PTP4A3: variants seen among roughly 807,000 people sequenced by gnomAD.
PTP4A3 encodes protein tyrosine phosphatase type IVA 3.
A neutral mutation model predicts 15.2 loss-of-function variants in PTP4A3; 9 were observed. The observed-to-expected ratio is 0.59, with a 90% CI of 0.36 to 1.03. PTP4A3 has a LOEUF of 1.03. Among genes scored for constraint, PTP4A3 ranks in the 50% least tolerant of loss-of-function variants. The pLI is 0.02. For missense variants in PTP4A3, 234 were observed against 252.1 expected (o/e 0.93, Z 0.49); for synonymous variants, 95 against 102.0 (o/e 0.93, Z 0.41).
At chr8:141,404,637 T>C (rs1341547970) in intron 1 of PTP4A3, among the ~76,000 whole-genome samples, 3 of 152,196 alleles carry the variant, frequency 2.0e-5, no homozygotes, top group Admixed American at 6.5e-5. Flanking sequence ...ATGGACAGAA[T>C]GGACGGGTCC....
chr8:141,412,198 G>A (rs1446144392), intron 1 of PTP4A3, among the ~76,000 whole-genome samples: 2 of 152,214 alleles, frequency 1.3e-5, no homozygotes, highest in Admixed American at 6.5e-5. Context: ...AGGTGTACAT[G>A]CCTGCTGCCC....
At chr8:141,411,037 G>A (rs1832855206) in intron 1 of PTP4A3, among the ~76,000 whole-genome samples, 1 of 152,208 alleles carries the variant, frequency 6.6e-6, no homozygotes, top group Non-Finnish European at 1.5e-5. Flanking sequence ...CACTGGCGTT[G>A]TGGGCTGGCA....
At chr8:141,412,132 G>A (rs1349714574) in intron 1 of PTP4A3, among the ~76,000 whole-genome samples, 1 of 152,220 alleles carries the variant, frequency 6.6e-6, no homozygotes, top group Non-Finnish European at 1.5e-5. Context: ...GGTATATGGG[G>A]GTGCTGCGCT....
rs577087106 is a variant in PTP4A3, at chr8:141,428,787, C to A, written c.404+963C>A. ...ACAAGCACATGTGTGCCCACACAGA[C>A]CCAGGCATACGCAGGCACACACTCA... On this transcript the variant is annotated intron_variant, in intron 5 of 5. Coordinates refer to ENST00000521578, the MANE Select transcript of PTP4A3 (RefSeq NM_032611.3). Among the ~76,000 whole-genome samples, 25 of 148,360 alleles carry A rather than the reference C, an allele frequency of 1.7e-4. 1 individual carries two copies. The South Asian group carries it at 5.1e-3, about 30-fold the overall frequency.
In PTP4A3 at chr8:141,429,605, C is replaced by T. The variant is rs557274402; in HGVS notation, c.405-1322C>T. ...GACCCGGTGGCGGGGACAGGGTAAG[C>T]GCACAGCCCACGTCCCCGCTGTAAG... On this transcript the variant is annotated intron_variant, in intron 5 of 5. Transcript: ENST00000521578. 9.2e-5 allele frequency among the ~76,000 whole-genome samples: 14 copies of T among 151,382 alleles called. No homozygotes were observed. In the East Asian group the frequency reaches 2.8e-3, roughly 30 times the overall value.
chr8:141,418,283 G>A (rs1316110121), intron 1 of PTP4A3, among the ~76,000 whole-genome samples: 1 of 152,232 alleles, frequency 6.6e-6, no homozygotes, highest in East Asian at 1.9e-4. Flanking sequence ...AAATCACAGG[G>A]GGCGCCCTGT....
chr8:141,399,759 G>A (rs1038496408), intron 1 of PTP4A3, among the ~76,000 whole-genome samples: 3 of 152,230 alleles, frequency 2.0e-5, no homozygotes, highest in Admixed American at 1.3e-4. Context: ...TGACCTGGGG[G>A]AGGGCTGTCC....
In PTP4A3 at chr8:141,425,611, C is replaced by A. The variant is rs2130260196; in HGVS notation, c.198+471C>A. 6.8e-6 allele frequency among the ~76,000 whole-genome samples: 1 copy of A among 147,702 alleles called. No homozygotes were observed. Among genetic ancestry groups the A allele is most frequent in the East Asian group, 2.0e-4 (1 of 4,968 alleles). On this transcript the variant is annotated intron_variant, in intron 3 of 5. Coordinates refer to ENST00000521578, the MANE Select transcript of PTP4A3 (RefSeq NM_032611.3). This position sits in a 1 kb window ranked among gnomAD's most constrained non-coding sequence, Gnocchi z 4.2. The stretch of plus-strand genomic sequence containing the variant: ...CTGGGCGGGGGGTGGGGCGGTTCTG[C>A]TGCGATATCCTTGGGGGGGTGGGCC...
At position 141,392,094 on chromosome 8, in the gene PTP4A3, C is replaced by T. The variant is rs1832294794; in HGVS notation, c.-854+10C>T. 6.8e-6 allele frequency: 1 copy of T among 146,828 alleles called. No homozygotes were observed. The highest frequency in any genetic ancestry group is 2.4e-5 in the African/African-American group (1 of 40,898). 9.1% of individuals were successfully genotyped at this position (146,828 alleles called of 1,614,324 possible). On this transcript the variant is annotated intron_variant, in intron 1 of 5. Transcript: ENST00000521578. ...CCGCCCGGACCGCCAGGTCAGTCTC[C>T]TCCGCGCCCGCTCGGGGCGGGGGCG...
chr8:141,418,359 C>T (rs1463437416), intron 1 of PTP4A3, among the ~76,000 whole-genome samples: 3 of 152,212 alleles, frequency 2.0e-5, no homozygotes, highest in Admixed American at 1.3e-4. Flanking sequence ...GCGGTAGCCT[C>T]CCTGAACCTC....
intron 1 of PTP4A3, among the ~76,000 whole-genome samples, chr8:141,414,161 T>C (rs1178763873): frequency 1.3e-5 from 2 of 152,204 alleles, no homozygotes; most frequent in Non-Finnish European, 2.9e-5. Context: ...GTTTCCACAC[T>C]GGCTTCTCAG....
At chr8:141,410,874 A>T (rs1246208148) in intron 1 of PTP4A3, among the ~76,000 whole-genome samples, 1 of 151,990 alleles carries the variant, frequency 6.6e-6, no homozygotes, top group Non-Finnish European at 1.5e-5. Context: ...CCTCCCCTGG[A>T]CCCCAGAGAA....
intron 1 of PTP4A3, among the ~76,000 whole-genome samples, chr8:141,420,695 G>C (rs968210925): frequency 6.6e-6 from 1 of 152,224 alleles, no homozygotes. Context: ...GTTTATCCCC[G>C]AGCCTGGCTG....
intron 3 of PTP4A3, chr8:141,426,334 T>G: frequency 1.4e-6 from 1 of 694,690 alleles, no homozygotes; most frequent in Non-Finnish European, 1.8e-6. Flanking sequence ...GACGGGACAG[T>G]GGGAAGCACA....
intron 3 of PTP4A3, 60 bp from the exon 4 acceptor site, chr8:141,426,879 C>T (rs1833598225): frequency 1.3e-6 from 2 of 1,572,232 alleles, no homozygotes; most frequent in Admixed American, 3.5e-5. Flanking sequence ...CGCCTGAGCC[C>T]CAGAGCCGCC....
At chr8:141,401,621 C>T (rs2129839390) in intron 1 of PTP4A3, among the ~76,000 whole-genome samples, 1 of 152,290 alleles carries the variant, frequency 6.6e-6, no homozygotes, top group East Asian at 1.9e-4. Flanking sequence ...CATCTGGAGG[C>T]CTTGTTTACC....
chr8:141,404,766 G>A, intron 1 of PTP4A3, among the ~76,000 whole-genome samples: 1 of 152,182 alleles, frequency 6.6e-6, no homozygotes, highest in East Asian at 1.9e-4. Flanking sequence ...GGGGTGCGTG[G>A]GGAAGTAGGA....
At chr8:141,429,456 C>T (rs570702898) in intron 5 of PTP4A3, among the ~76,000 whole-genome samples, 1 of 152,386 alleles carries the variant, frequency 6.6e-6, no homozygotes, top group African/African-American at 2.4e-5. Flanking sequence ...CCTGTTCACC[C>T]CAGCCAGGTA....
Position 141,422,308 on chromosome 8 carries a change from A to T in PTP4A3, c.68A>T (p.His23Leu). The change falls in exon 2 of 6, where the codon CAC (histidine) becomes CTC (leucine). Residue 23 changes from histidine to leucine, a missense_variant. His to Leu is a moderately conservative substitution (Grantham distance 99). Coordinates refer to ENST00000521578, the MANE Select transcript of PTP4A3 (RefSeq NM_032611.3). Reference protein sequence around the residue: ...SYKHMRFLITHNPTNATLSTF... With the variant: ...SYKHMRFLITLNPTNATLSTF... Reference sequence around the variant, plus strand: ...AAACACATGCGCTTCCTCATCACCCACAACCCCACCAACGCCACGCTCAGC... The same window carrying T: ...AAACACATGCGCTTCCTCATCACCCTCAACCCCACCAACGCCACGCTCAGC... The T allele has an allele frequency of 6.2e-7, 1 of 1,613,438 alleles. No individual in the cohort carries two copies. The highest frequency in any genetic ancestry group is 8.5e-7 in the Non-Finnish European group (1 of 1,179,990).
Sources: allele counts gnomAD v4.1 joint callset (sites outside exome capture counted in the v4.1 genomes callset), GRCh38; gene constraint gnomAD v4.1.1; non-coding constraint Gnocchi (gnomAD v3.1); transcripts MANE v1.5; gene names NCBI Gene and HGNC (gene_info 2026-07-23, HGNC 2026-07-21).